The following CSMD3 variants were observed in gnomAD, a reference collection of about 807,000 sequenced individuals.
CSMD3 encodes CUB and sushi domain-containing protein 3.
In CSMD3, 177 loss-of-function variants were observed where a neutral mutation model predicts 435.2. That is an observed-to-expected ratio of 0.41 (90% CI 0.36 to 0.46). CSMD3 has a LOEUF of 0.46. CSMD3 is among the 20% of genes least tolerant of loss of function. The pLI, the probability that CSMD3 is intolerant of heterozygous loss-of-function variation, is 0.34. For synonymous variants in CSMD3, 1,656 were observed against 1,520.5 expected (o/e 1.09, Z -2.07); for missense variants, 4,265 against 4,504.6 (o/e 0.95, Z 1.52).
At chr8:113,329,322 T>C (rs538923427) in intron 1 of CSMD3, among the ~76,000 whole-genome samples, 1 of 151,794 alleles carries the variant, frequency 6.6e-6, no homozygotes, top group Admixed American at 6.5e-5. Context: ...AGATGGAAAT[T>C]CTGCAGTTGA....
intron 10 of CSMD3, among the ~76,000 whole-genome samples, chr8:112,863,310 A>C (rs2080876994): frequency 6.6e-6 from 1 of 151,886 alleles, no homozygotes; most frequent in Admixed American, 6.6e-5. Context: ...ATTCTTTAAT[A>C]GTTTTATTAT....
chr8:112,392,287 A>T lies in CSMD3; in HGVS notation c.5810-1499T>A, dbSNP rs115796057. On this transcript the variant is annotated intron_variant, in intron 35 of 70. Coordinates refer to ENST00000297405, the MANE Select transcript of CSMD3 (RefSeq NM_198123.2). ...TTACAGTTTTGTGCCACTTCCAAAG[A>T]CAAACGCAAAAACCAGGGCAATTAC... Among the ~76,000 whole-genome samples, 774 of 149,894 alleles carry T rather than the reference A, an allele frequency of 5.2e-3. 14 individuals are homozygous for T. Among genetic ancestry groups the T allele is most frequent in the African/African-American group, 0.018 (723 of 40,744 alleles).
intron 3 of CSMD3, among the ~76,000 whole-genome samples, chr8:113,274,172 A>C (rs2093551964): frequency 6.6e-6 from 1 of 152,070 alleles, no homozygotes; most frequent in African/African-American, 2.4e-5. Context: ...TTCCAAGCAC[A>C]CAGAATTGTT....
chr8:113,084,407 A>C (rs908976186), intron 5 of CSMD3, among the ~76,000 whole-genome samples: 2 of 152,086 alleles, frequency 1.3e-5, no homozygotes, highest in Admixed American at 1.3e-4. Flanking sequence ...TAGGTGAAAG[A>C]TCTCTACAAT....
At chr8:112,686,272 C>A (rs764872569) in intron 14 of CSMD3, among the ~76,000 whole-genome samples, 3 of 152,078 alleles carry the variant, frequency 2.0e-5, no homozygotes, top group Non-Finnish European at 4.4e-5. Flanking sequence ...TGGCTAAAAC[C>A]TGAAGAACAG....
chr8:112,757,201 G>T (rs1029927985), intron 13 of CSMD3, among the ~76,000 whole-genome samples: 1 of 152,048 alleles, frequency 6.6e-6, no homozygotes, highest in African/African-American at 2.4e-5. Context: ...GGATAATAAT[G>T]CAACACATTG....
intron 3 of CSMD3, among the ~76,000 whole-genome samples, chr8:113,206,171 G>T (rs79141689): frequency 1.3e-5 from 2 of 152,006 alleles, no homozygotes; most frequent in South Asian, 4.2e-4. Flanking sequence ...CCCCAAGAAC[G>T]AGACTACAAA....
At chr8:113,152,950 G>A (rs964951375) in intron 4 of CSMD3, among the ~76,000 whole-genome samples, 4 of 149,702 alleles carry the variant, frequency 2.7e-5, no homozygotes, top group African/African-American at 7.4e-5. Context: ...CAGCCTGGAC[G>A]ACAGAGTGAG....
rs1268714875 is a variant in CSMD3 at position 112,239,953 on chromosome 8, T to G, written c.10468+1767A>C. Among the ~76,000 whole-genome samples, 4 of 152,184 alleles carry G rather than the reference T, an allele frequency of 2.6e-5. No homozygotes were observed. The East Asian group carries it at 5.8e-4, about 22-fold the overall frequency. On this transcript the variant is annotated intron_variant, in intron 66 of 70. Coordinates refer to ENST00000297405, the MANE Select transcript of CSMD3 (RefSeq NM_198123.2). ...ATTCTCTTAATAGGGACACAACTAA[T>G]TAATTCTGAGGCTTTTCTTTTCAAT...
Position 112,797,993 on chromosome 8 carries a change from A to G in CSMD3, c.1972+2169T>C, listed in dbSNP as rs143092071. On this transcript the variant is annotated intron_variant, in intron 13 of 70. Transcript: ENST00000297405. ...AGCTACCTATAATGATGGCATGGAT[A>G]TTGCTAGCAGAAATACAAAGACAAG... is the stretch of plus-strand genomic sequence containing the variant. Among the ~76,000 whole-genome samples the G allele has an allele frequency of 3.9e-3, 586 of 152,014 alleles. 2 individuals carry two copies. The highest frequency in any genetic ancestry group is 0.013 in the African/African-American group (555 of 41,548).
chr8:112,538,619 A>T (rs1826359953), intron 27 of CSMD3, among the ~76,000 whole-genome samples: 1 of 152,124 alleles, frequency 6.6e-6, no homozygotes, highest in Non-Finnish European at 1.5e-5. Flanking sequence ...AATATATAAA[A>T]TACCTAGAAA....
At chr8:113,414,403 G>C (rs2094572457) in intron 1 of CSMD3, among the ~76,000 whole-genome samples, 2 of 152,052 alleles carry the variant, frequency 1.3e-5, no homozygotes, top group South Asian at 4.1e-4. Context: ...CTAGCACCAT[G>C]GATAAACTTA....
chr8:112,688,451 A>G (rs1486508438), intron 14 of CSMD3, among the ~76,000 whole-genome samples: 2 of 152,148 alleles, frequency 1.3e-5, no homozygotes, highest in Admixed American at 6.6e-5. Context: ...CTATATGTCA[A>G]TACAATACGT....
At position 112,948,901 on chromosome 8, in the gene CSMD3, T is replaced by C. The variant is rs184478685; in HGVS notation, c.1421-1024A>G. The stretch of plus-strand genomic sequence containing the variant: ...ATGGTAGGACTCTGGCATCAGTTTT[T>C]TGGGAGTTTTTGGTTTTTATTTTAA... On this transcript the variant is annotated intron_variant, in intron 8 of 70. Transcript: ENST00000297405. Among the ~76,000 whole-genome samples, 1,202 of 152,040 alleles carry C rather than the reference T, an allele frequency of 7.9e-3. 2 individuals are homozygous for C. The highest frequency in any genetic ancestry group is 9.2e-3 in the African/African-American group (382 of 41,510).
In CSMD3 at chr8:112,598,750, G is replaced by C. The variant is rs1285976252; in HGVS notation, c.3716-11515C>G. 1.8e-3 allele frequency among the ~76,000 whole-genome samples: 276 copies of C among 151,448 alleles called. 3 individuals are homozygous for C. Among genetic ancestry groups the C allele is most frequent in the African/African-American group, 6.0e-3 (249 of 41,320 alleles). ...ACTATCTGATCTTTGACAAACCTGA[G>C]AAAAACAAGAAATGGGGAAAGGATT... On this transcript the variant is annotated intron_variant, in intron 22 of 70. Transcript: ENST00000297405.
rs568152032 is a variant in CSMD3 at position 112,950,105 on chromosome 8, A to C, written c.1421-2228T>G. On this transcript the variant is annotated intron_variant, in intron 8 of 70. Coordinates refer to ENST00000297405, the MANE Select transcript of CSMD3 (RefSeq NM_198123.2). Reference sequence around the variant, plus strand: ...TAAATTAATAGTTTCACATACCTTTAGTTATCTATAGAAAAAGATTATATA... The same window carrying C: ...TAAATTAATAGTTTCACATACCTTTCGTTATCTATAGAAAAAGATTATATA... 7.8e-4 allele frequency among the ~76,000 whole-genome samples: 119 copies of C among 152,124 alleles called. 1 individual carries two copies. Among genetic ancestry groups the C allele is most frequent in the African/African-American group, 2.8e-3 (115 of 41,548 alleles).
At chr8:112,696,920 T>G (rs1409186244) in intron 13 of CSMD3, among the ~76,000 whole-genome samples, 1 of 152,048 alleles carries the variant, frequency 6.6e-6, no homozygotes, top group Non-Finnish European at 1.5e-5. Context: ...GCAAAGGATA[T>G]GAACAGACAC....
intron 2 of CSMD3, chr8:113,312,048 C>T (rs543622852): frequency 7.9e-5 from 12 of 151,896 alleles, no homozygotes; most frequent in African/African-American, 2.9e-4. Context: ...AAATTTGATC[C>T]AATACTGCTA....
intron 36 of CSMD3, among the ~76,000 whole-genome samples, chr8:112,384,439 C>G (rs1165848148): frequency 6.6e-6 from 1 of 152,196 alleles, no homozygotes; most frequent in East Asian, 1.9e-4. Flanking sequence ...TCACTTGGCA[C>G]AGCTTGAGCT....
Sources: gnomAD v4.1 joint callset for allele counts (sites outside exome capture counted in the v4.1 genomes callset) on GRCh38, gnomAD v4.1.1 for gene constraint, MANE v1.5 for transcripts, NCBI Gene and HGNC (gene_info 2026-07-23, HGNC 2026-07-21) for gene names.